RANBP9: variants seen among roughly 807,000 people sequenced by gnomAD.
The protein encoded by RANBP9 is RAN binding protein 9, also known as ran-binding protein 9.
Under a neutral mutation model 84.3 loss-of-function variants are expected in RANBP9, and 15 were observed. The ratio of observed to expected loss-of-function variants is 0.18; its 90% CI spans 0.12 to 0.27. The LOEUF (loss-of-function observed/expected upper bound fraction) is 0.27. Ranked by LOEUF, RANBP9 falls within the 10% of genes least tolerant of loss-of-function variation. RANBP9 has a pLI of 1.00. For synonymous variants in RANBP9, 392 were observed against 349.6 expected (o/e 1.12, Z -1.35); for missense variants, 809 against 912.8 (o/e 0.89, Z 1.46).
rs980865068 is a variant in RANBP9 at position 13,621,947 on chromosome 6, G to A, written c.*415C>T. On this transcript the variant is annotated 3_prime_UTR_variant, in exon 14 of 14. Coordinates refer to ENST00000011619, the MANE Select transcript of RANBP9 (RefSeq NM_005493.3). ...AGTTACACTGATTGAATGCTTATAT[G>A]GGAGTGGGGGTCGGAACATCTCCCA... 4.6e-5 allele frequency: 7 copies of A among 153,840 alleles called. No individual in the cohort carries two copies. The highest frequency in any genetic ancestry group is 5.8e-5 in the Non-Finnish European group (4 of 68,950). 9.5% of individuals were successfully genotyped at this position (153,840 alleles called of 1,614,324 possible).
At chr6:13,708,001 T>C (rs1405422295) in intron 1 of RANBP9, among the ~76,000 whole-genome samples, 2 of 152,240 alleles carry the variant, frequency 1.3e-5, no homozygotes, top group East Asian at 1.9e-4. Flanking sequence ...ACATACCCTG[T>C]TGTTCCTCTG....
At chr6:13,665,699 A>G (rs1765629097) in intron 2 of RANBP9, among the ~76,000 whole-genome samples, 1 of 152,204 alleles carries the variant, frequency 6.6e-6, no homozygotes, top group East Asian at 1.9e-4. Context: ...TTTCTTCACA[A>G]CAGTGAAAAA....
chr6:13,683,706 G>A (rs1459966869), intron 2 of RANBP9, among the ~76,000 whole-genome samples: 1 of 151,110 alleles, frequency 6.6e-6, no homozygotes, highest in Non-Finnish European at 1.5e-5. Context: ...TATTTCACAG[G>A]ATTTGTTTAT....
intron 2 of RANBP9, among the ~76,000 whole-genome samples, chr6:13,681,953 G>A (rs890312974): frequency 6.6e-6 from 1 of 152,052 alleles, no homozygotes; most frequent in African/African-American, 2.4e-5. Flanking sequence ...CCACCTCCCA[G>A]GCTCAAGCGA....
intron 1 of RANBP9, among the ~76,000 whole-genome samples, chr6:13,708,083 T>A (rs910159671): frequency 6.6e-6 from 1 of 152,222 alleles, no homozygotes; most frequent in African/African-American, 2.4e-5. Context: ...TCAGGAACAA[T>A]ACTGCTTCCA....
chr6:13,669,426 T>C (rs1256982587), intron 2 of RANBP9, among the ~76,000 whole-genome samples: 1 of 152,076 alleles, frequency 6.6e-6, no homozygotes, highest in Non-Finnish European at 1.5e-5. Context: ...AAAATAATCT[T>C]GAAAAAGAAC....
intron 2 of RANBP9, among the ~76,000 whole-genome samples, chr6:13,695,409 T>TG (rs1284511288): frequency 6.6e-6 from 1 of 150,556 alleles, no homozygotes; most frequent in African/African-American, 2.4e-5. Context: ...ATGTTTTTTT[T>TG]TTTTTTTTTT....
intron 13 of RANBP9, among the ~76,000 whole-genome samples, 174 bp downstream of exon 13, chr6:13,625,479 A>G (rs1215427033): frequency 6.6e-6 from 1 of 152,162 alleles, no homozygotes; most frequent in African/African-American, 2.4e-5. Flanking sequence ...ATTTAAATCC[A>G]CTTGAATCTG....
intron 5 of RANBP9, among the ~76,000 whole-genome samples, chr6:13,650,176 T>C (rs1052299192): frequency 1.3e-5 from 2 of 151,426 alleles, no homozygotes; most frequent in African/African-American, 4.8e-5. Flanking sequence ...GTTTTTTTTT[T>C]TTTTAGTAGA....
At chr6:13,696,117 A>T (rs1482454343) in intron 2 of RANBP9, among the ~76,000 whole-genome samples, 1 of 152,158 alleles carries the variant, frequency 6.6e-6, no homozygotes, top group Non-Finnish European at 1.5e-5. Flanking sequence ...GCTTTCTCAA[A>T]ATGCCTATCT....
intron 2 of RANBP9, among the ~76,000 whole-genome samples, chr6:13,686,094 A>T: frequency 1.3e-4 from 6 of 45,078 alleles, no homozygotes; most frequent in Non-Finnish European, 1.8e-4. Flanking sequence ...AATTTCCAAA[A>T]TTTCTTCCCC....
At chr6:13,648,492 T>C (rs924199273) in intron 5 of RANBP9, among the ~76,000 whole-genome samples, 1 of 152,126 alleles carries the variant, frequency 6.6e-6, no homozygotes, top group East Asian at 1.9e-4. Flanking sequence ...AGCAGGTGCA[T>C]TGTCACTGTA....
chr6:13,623,621 T>C (rs762501025), intron 13 of RANBP9, among the ~76,000 whole-genome samples: 3 of 152,170 alleles, frequency 2.0e-5, no homozygotes, highest in Non-Finnish European at 4.4e-5. Context: ...TTAATTTTAT[T>C]TTGGCCAAAG....
intron 4 of RANBP9, among the ~76,000 whole-genome samples, chr6:13,655,190 G>A (rs1765371301): frequency 1.3e-5 from 2 of 152,162 alleles, no homozygotes; most frequent in African/African-American, 4.8e-5. Flanking sequence ...TTAAAATGTA[G>A]GCTGGGCACA....
chr6:13,665,039 A>G (rs1470961459), intron 2 of RANBP9, among the ~76,000 whole-genome samples: 1 of 152,194 alleles, frequency 6.6e-6, no homozygotes, highest in Admixed American at 6.5e-5. Context: ...ACAAATAGTA[A>G]AAAGATAACT....
chr6:13,694,582 T>G (rs1379176640), intron 2 of RANBP9, among the ~76,000 whole-genome samples: 1 of 152,202 alleles, frequency 6.6e-6, no homozygotes, highest in South Asian at 2.1e-4. Context: ...CATTTATCTG[T>G]GGTTTTGCTT....
At chr6:13,662,803 C>A (rs1412490201) in intron 2 of RANBP9, among the ~76,000 whole-genome samples, 2 of 152,216 alleles carry the variant, frequency 1.3e-5, no homozygotes, top group South Asian at 4.1e-4. Flanking sequence ...AAGAACCAAA[C>A]AGAAATTCTG....
Position 13,657,161 on chromosome 6 carries a change from A to G in RANBP9, c.852T>C (p.Cys284=), listed in dbSNP as rs1168071963. ...TFTTGDVIGC[C]VNLINNTCFY... is the part of the protein sequence containing the mutation. ...AGCAGGTATTGTTGATAAGATTAAC[A>G]CAACAGCCAATGACATCACCAGTAG... The change falls in exon 4 of 14, where the codon TGT becomes TGC. Residue 284 remains cysteine (C), a synonymous_variant. Transcript: ENST00000011619. 2 of 1,613,246 alleles carry G rather than the reference A, an allele frequency of 1.2e-6. No homozygotes were observed. The highest frequency in any genetic ancestry group is 3.3e-5 in the Admixed American group (2 of 59,964).
At chr6:13,678,084 C>T (rs946677249) in intron 2 of RANBP9, among the ~76,000 whole-genome samples, 16 of 152,262 alleles carry the variant, frequency 1.1e-4, no homozygotes, top group South Asian at 2.1e-4. Context: ...CGTCACTGTA[C>T]TCCAGCCTGG....
Sources: gnomAD v4.1 joint callset for allele counts (sites outside exome capture counted in the v4.1 genomes callset) on GRCh38, gnomAD v4.1.1 for gene constraint, MANE v1.5 for transcripts, NCBI Gene and HGNC (gene_info 2026-07-23, HGNC 2026-07-21) for gene names.